Variants in UTRN observed in about 807,000 individuals in gnomAD.
The protein encoded by UTRN is dystrophin-related protein 1.
UTRN carries 283 observed loss-of-function variants against 463.9 expected under a neutral mutation model. That is an observed-to-expected ratio of 0.61 (90% confidence interval 0.55 to 0.67). UTRN has a LOEUF of 0.67. UTRN is among the 30% of genes least tolerant of loss of function. The probability of loss-of-function intolerance (pLI) is 0.00; values close to 1 mark genes in which losing one functional copy is unlikely to be tolerated. For synonymous variants in UTRN, 1,442 were observed against 1,431.5 expected (o/e 1.01, Z -0.17); for missense variants, 3,922 against 4,084.3 (o/e 0.96, Z 1.08).
intron 51 of UTRN, among the ~76,000 whole-genome samples, chr6:144,662,484 C>G (rs1779972553): frequency 6.6e-6 from 1 of 152,206 alleles, no homozygotes; most frequent in Non-Finnish European, 1.5e-5. Flanking sequence ...AATTCTCAGT[C>G]CTGTCTCTTC....
intron 51 of UTRN, among the ~76,000 whole-genome samples, chr6:144,623,253 T>G (rs568481847): frequency 6.6e-6 from 1 of 152,292 alleles, no homozygotes; most frequent in South Asian, 2.1e-4. Flanking sequence ...TAGCAATATA[T>G]TTTATCAATC....
intron 18 of UTRN, among the ~76,000 whole-genome samples, 192 bp downstream of exon 18, chr6:144,451,685 ACGT>A (rs1306342085): frequency 3.7e-5 from 5 of 134,626 alleles, no homozygotes; most frequent in African/African-American, 1.7e-4. Flanking sequence ...TATTTGGAGG[ACGT>A]TTTTTTTTTT....
chr6:144,371,153 TTTTG>T (rs969362456), intron 2 of UTRN, among the ~76,000 whole-genome samples: 3 of 152,246 alleles, frequency 2.0e-5, no homozygotes, highest in African/African-American at 7.2e-5. Flanking sequence ...CACTGACTTT[TTTTG>T]TTTATGTGCA....
chr6:144,295,848 G>A (rs1308831913), intron 2 of UTRN, among the ~76,000 whole-genome samples: 3 of 152,194 alleles, frequency 2.0e-5, no homozygotes, highest in African/African-American at 4.8e-5. Flanking sequence ...AGTGATTTGT[G>A]GCACTGGACT....
At chr6:144,544,636 C>A (rs945271340) in intron 46 of UTRN, among the ~76,000 whole-genome samples, 1 of 152,140 alleles carries the variant, frequency 6.6e-6, no homozygotes, top group South Asian at 2.1e-4. Context: ...ACAGTCCTAC[C>A]GTACTTTCTT....
At chr6:144,539,720 G>A (rs774561774) in intron 45 of UTRN, among the ~76,000 whole-genome samples, 2 of 152,052 alleles carry the variant, frequency 1.3e-5, no homozygotes, top group Non-Finnish European at 2.9e-5. Flanking sequence ...AAATTCCAGT[G>A]ATGATATTCT....
chr6:144,485,051 A>G (rs1341271765), intron 27 of UTRN, among the ~76,000 whole-genome samples: 5 of 151,888 alleles, frequency 3.3e-5, no homozygotes, highest in Admixed American at 3.3e-4. Context: ...AGCTGGGACT[A>G]CAGGCATCCG....
chr6:144,617,400 G>A (rs1397361254), intron 51 of UTRN, among the ~76,000 whole-genome samples: 1 of 152,150 alleles, frequency 6.6e-6, no homozygotes, highest in African/African-American at 2.4e-5. Context: ...TCTATTTAAA[G>A]TAGTGTAACT....
At chr6:144,512,181 A>G (rs1795232933) in intron 35 of UTRN, among the ~76,000 whole-genome samples, 2 of 152,204 alleles carry the variant, frequency 1.3e-5, no homozygotes, top group South Asian at 4.1e-4. Flanking sequence ...CAGAGTTGTT[A>G]AATATTGAAT....
chr6:144,635,535 CTTTT>C (rs1219903798), intron 51 of UTRN, among the ~76,000 whole-genome samples: 1 of 33,186 alleles, frequency 3.0e-5, no homozygotes, highest in Non-Finnish European at 5.3e-5. Context: ...TTTTTCTTTT[CTTTT>C]TTTTTTTTTT....
At chr6:144,356,254 T>A (rs74406607) in intron 2 of UTRN, among the ~76,000 whole-genome samples, 2,056 of 152,344 alleles carry the variant, frequency 0.013, 44 homozygotes, top group African/African-American at 0.047. Flanking sequence ...ATTTAACAGG[T>A]TGGCATAGGC....
intron 53 of UTRN, among the ~76,000 whole-genome samples, chr6:144,719,308 GT>G: frequency 6.6e-6 from 1 of 152,200 alleles, no homozygotes. Flanking sequence ...GCCAGGCTCA[GT>G]GGCTCATGCC....
At chr6:144,642,885 A>C (rs1024786420) in intron 51 of UTRN, among the ~76,000 whole-genome samples, 3 of 152,156 alleles carry the variant, frequency 2.0e-5, no homozygotes, top group Non-Finnish European at 4.4e-5. Flanking sequence ...ATAATCAGAG[A>C]AATTTTGACC....
intron 54 of UTRN, among the ~76,000 whole-genome samples, chr6:144,739,028 TTAA>T (rs756980817): frequency 2.9e-4 from 44 of 152,320 alleles, no homozygotes; most frequent in Admixed American, 7.2e-4. Context: ...TGATGAATAG[TTAA>T]TAATAATTTT....
Position 144,516,521 on chromosome 6 carries a change from G to A in UTRN, c.5403+134G>A, listed in dbSNP as rs1210744167. ...AGATTCAAATGTGATTTTTTGATGT[G>A]TGTCAATGTAAGAGTCACATGATTC... On this transcript the variant is annotated intron_variant, in intron 38 of 74. Transcript: ENST00000367545. 8.4e-6 allele frequency: 9 copies of A among 1,067,022 alleles called. No homozygotes were observed. In the Admixed American group the frequency reaches 1.1e-4, roughly 13 times the overall value. The allele number at this position is 1,067,022 out of a possible 1,614,324, so 66.1% of individuals were successfully genotyped here.
chr6:144,460,764 G>A lies in UTRN; in HGVS notation c.2708-433G>A, dbSNP rs12205085. 5.9e-3 allele frequency among the ~76,000 whole-genome samples: 898 copies of A among 152,290 alleles called. 1 individual carries two copies. The highest frequency in any genetic ancestry group is 0.024 in the Middle Eastern group (7 of 294). On this transcript the variant is annotated intron_variant, in intron 21 of 74. Transcript: ENST00000367545. ...CTCAGGGTACCTGGGCAGCATGGTG[G>A]CAGTATTTCCATATAATCTCCTCCA...
chr6:144,499,453 C>A (rs762136625), intron 34 of UTRN, 26 bp downstream of exon 34: 4 of 1,572,396 alleles, frequency 2.5e-6, no homozygotes, highest in Non-Finnish European at 3.5e-6. Context: ...GATGAAACAC[C>A]AGCATGATGC....
chr6:144,837,656 T>G (rs1781211795), intron 71 of UTRN, among the ~76,000 whole-genome samples: 1 of 152,242 alleles, frequency 6.6e-6, no homozygotes, highest in Non-Finnish European at 1.5e-5. Context: ...TTCTCTCCAG[T>G]GATTCTCTCA....
At chr6:144,380,921 C>G (rs1780851137) in intron 2 of UTRN, among the ~76,000 whole-genome samples, 1 of 152,142 alleles carries the variant, frequency 6.6e-6, no homozygotes, top group Non-Finnish European at 1.5e-5. Flanking sequence ...TGCTTTATGC[C>G]TGGTCCCCAA....
Sources: gnomAD v4.1 joint callset for allele counts (sites outside exome capture counted in the v4.1 genomes callset) on GRCh38, gnomAD v4.1.1 for gene constraint, MANE v1.5 for transcripts, NCBI Gene and HGNC (gene_info 2026-07-23, HGNC 2026-07-21) for gene names.